Variants in STAB2 observed in about 807,000 individuals in gnomAD.
The protein encoded by STAB2 is stabilin-2.
Under a neutral mutation model 338.1 loss-of-function variants are expected in STAB2, and 288 were observed. The observed-to-expected ratio is 0.85, with a 90% confidence interval of 0.77 to 0.94. STAB2 has a LOEUF of 0.94. Ranked by LOEUF, STAB2 falls within the 40% of genes least tolerant of loss-of-function variation. The probability of loss-of-function intolerance (pLI) is 0.00; values close to 1 mark genes in which losing one functional copy is unlikely to be tolerated. For synonymous variants in STAB2, 1,202 were observed against 1,193.3 expected (o/e 1.01, Z -0.15); for missense variants, 3,141 against 3,210.1 (o/e 0.98, Z 0.52).
chr12:103,689,844 A>C lies in STAB2; in HGVS notation c.3046-2A>C, dbSNP rs1333109749. The stretch of plus-strand genomic sequence containing the variant: ...TCACTTTATTTTCCTTCTGTGGTTC[A>C]GAATGCTTCTCTACAACCCACACTG... On this transcript the variant is annotated splice_acceptor_variant, in intron 28 of 68. Transcript: ENST00000388887. LOFTEE classifies it high-confidence loss of function. The C allele has an allele frequency of 1.9e-6, 3 of 1,612,418 alleles. No individual in the cohort carries two copies. The highest frequency in any genetic ancestry group is 1.7e-6 in the Non-Finnish European group (2 of 1,179,472).
In STAB2 at chr12:103,735,552, G is replaced by C. The variant is rs1882045365; in HGVS notation, c.5522G>C (p.Ser1841Thr). Residue 1841 changes from serine (S) to threonine (T), a missense_variant, in exon 52 of 69, where the codon AGT becomes ACT. Transcript: ENST00000388887. ...AWKTLQGSEL[S>T]VKCGAGRDIG... The stretch of plus-strand genomic sequence containing the variant: ...AAGACCCTGCAAGGTTCAGAGCTGA[G>C]TGTGAAATGTGGAGCTGGCAGGGAC... The C allele has an allele frequency of 6.5e-7, 1 of 1,547,246 alleles. No homozygotes were observed.
At position 103,740,730 on chromosome 12, in the gene STAB2, AGGGCTACTTC is replaced by A; in HGVS notation, c.5860_5869del (p.Tyr1954GlufsTer168). 6.3e-7 allele frequency: 1 copy of A among 1,596,280 alleles called. No homozygotes were observed. Among genetic ancestry groups the A allele is most frequent in the Non-Finnish European group, 8.5e-7 (1 of 1,173,758 alleles). ...GTGATACAGATCCCCAGGTGCTGCA[AGGGCTACTTC>A]GGGCGAGACTGTCAGGGTGAGGGTG... is the stretch of plus-strand genomic sequence containing the variant. On this transcript the variant is annotated frameshift_variant, in exon 55 of 69. Coordinates refer to ENST00000388887, the MANE Select transcript of STAB2 (RefSeq NM_017564.10). LOFTEE classifies it high-confidence loss of function.
intron 10 of STAB2, among the ~76,000 whole-genome samples, chr12:103,649,118 C>G (rs184697669): frequency 4.3e-4 from 66 of 152,328 alleles, no homozygotes; most frequent in African/African-American, 1.5e-3. Context: ...AGGACAGCTA[C>G]TGATGTGAGG....
At chr12:103,727,213 G>T in intron 46 of STAB2, 54 bp from the exon 47 acceptor site, 1 of 1,594,332 alleles carries the variant, frequency 6.3e-7, no homozygotes, top group South Asian at 1.1e-5. Flanking sequence ...TTTGAGCCCC[G>T]GCATGTATTG....
intron 23 of STAB2, 69 bp downstream of exon 23, chr12:103,674,156 C>A (rs17034360): frequency 0.026 from 40,260 of 1,532,188 alleles, 708 homozygotes; most frequent in African/African-American, 0.069. Context: ...CACTTAATGA[C>A]GCTGTGTTAC....
intron 3 of STAB2, among the ~76,000 whole-genome samples, chr12:103,609,651 C>G (rs1448943915): frequency 1.3e-5 from 2 of 152,070 alleles, no homozygotes; most frequent in Non-Finnish European, 2.9e-5. Context: ...AATTTGACTT[C>G]CTCTTTTCCT....
At chr12:103,686,793 C>T (rs1264535300) in intron 27 of STAB2, among the ~76,000 whole-genome samples, 2 of 152,164 alleles carry the variant, frequency 1.3e-5, no homozygotes, top group Non-Finnish European at 2.9e-5. Flanking sequence ...ATGCCCAGCC[C>T]ACTTGTTTTT....
chr12:103,618,938 G>A (rs1047767561), intron 3 of STAB2, among the ~76,000 whole-genome samples: 1 of 152,174 alleles, frequency 6.6e-6, no homozygotes, highest in Non-Finnish European at 1.5e-5. Context: ...TCATGATTGT[G>A]AATAAGTCTC....
At chr12:103,592,408 TACAC>T (rs370946934) in intron 2 of STAB2, among the ~76,000 whole-genome samples, 3 of 151,690 alleles carry the variant, frequency 2.0e-5, no homozygotes, top group African/African-American at 7.3e-5. Flanking sequence ...CACACACACA[TACAC>T]ACACACACAG....
chr12:103,681,379 C>T (rs1278452530), intron 25 of STAB2, among the ~76,000 whole-genome samples: 1 of 152,092 alleles, frequency 6.6e-6, no homozygotes, highest in Non-Finnish European at 1.5e-5. Flanking sequence ...CATAGAACAA[C>T]AAAAATGTAT....
chr12:103,688,038 G>C, intron 27 of STAB2, 130 bp from the exon 28 acceptor site: 1 of 834,818 alleles, frequency 1.2e-6, no homozygotes, highest in African/African-American at 1.7e-5. Flanking sequence ...AGGCAGGCCA[G>C]GACAACGAGC....
In STAB2 at chr12:103,638,141, G is replaced by T. The variant is rs1479545103; in HGVS notation, c.835G>T (p.Asp279Tyr). The T allele has an allele frequency of 1.2e-6, 2 of 1,614,040 alleles. No homozygotes were observed. Among genetic ancestry groups the T allele is most frequent in the Non-Finnish European group, 1.7e-6 (2 of 1,180,038 alleles). Residue 279 changes from aspartate to tyrosine, a missense_variant, in exon 8 of 69, where the codon GAC (aspartate) becomes TAC (tyrosine). By Grantham distance (160) the Asp-to-Tyr change is radical. Coordinates refer to ENST00000388887, the MANE Select transcript of STAB2 (RefSeq NM_017564.10). ...RGDGQVCLPVDPCQINFGNCP... is the reference protein window; with the variant it reads ...RGDGQVCLPVYPCQINFGNCP... ...GGATGGCCAAGTGTGCTTGCCTGTG[G>T]ACCCCTGCCAAATTAACTTTGGAAA...
intron 63 of STAB2, among the ~76,000 whole-genome samples, chr12:103,756,990 A>G (rs1322128071): frequency 1.9e-5 from 1 of 53,786 alleles, no homozygotes; most frequent in Non-Finnish European, 4.5e-5. Context: ...GCCCAGAAGG[A>G]GGGAAAATAT....
rs1883331863 is a variant in STAB2 at position 103,748,968 on chromosome 12, G to A, written c.6250G>A (p.Asp2084Asn). 3 of 1,612,950 alleles carry A rather than the reference G, an allele frequency of 1.9e-6. No homozygotes were observed. The highest frequency in any genetic ancestry group is 3.3e-5 in the Admixed American group (2 of 59,924). Residue 2084 changes from aspartate to asparagine, a missense_variant, in exon 59 of 69, where the codon GAT becomes AAT. Asp to Asn is a conservative substitution (Grantham distance 23). Coordinates refer to ENST00000388887, the MANE Select transcript of STAB2 (RefSeq NM_017564.10). ...TCTCTCCTCTGCTCTTGCAGTTGTG[G>A]ATTTCTGCAAACAGGACAACGGGGG... The part of the protein sequence containing the change: ...EGDGITCTVV[D>N]FCKQDNGGCA...
At chr12:103,641,178 G>A (rs1872899322) in intron 9 of STAB2, among the ~76,000 whole-genome samples, 2 of 152,304 alleles carry the variant, frequency 1.3e-5, no homozygotes, top group South Asian at 4.1e-4. Flanking sequence ...CATCTTTTGG[G>A]AAGTTCACGC....
intron 12 of STAB2, among the ~76,000 whole-genome samples, chr12:103,654,317 G>C (rs996993676): frequency 2.0e-5 from 3 of 152,154 alleles, no homozygotes; most frequent in Non-Finnish European, 4.4e-5. Context: ...ACCTTGCCCA[G>C]GTTTAGCATA....
intron 34 of STAB2, among the ~76,000 whole-genome samples, chr12:103,702,574 C>T (rs1202239520): frequency 6.6e-6 from 1 of 152,242 alleles, no homozygotes; most frequent in African/African-American, 2.4e-5. Flanking sequence ...GCTGGGATTA[C>T]AGGCGTGAGC....
intron 15 of STAB2, among the ~76,000 whole-genome samples, chr12:103,659,179 A>G (rs905776576): frequency 3.9e-5 from 6 of 152,208 alleles, no homozygotes; most frequent in Non-Finnish European, 7.3e-5. Flanking sequence ...GCTAATAGAT[A>G]TGGTGGCCAC....
At position 103,762,314 on chromosome 12, in the gene STAB2, C is replaced by A. The variant is rs1186459460; in HGVS notation, c.7400C>A (p.Ala2467Asp). The A allele has an allele frequency of 6.2e-7, 1 of 1,614,230 alleles. No individual in the cohort carries two copies. Among genetic ancestry groups the A allele is most frequent in the Middle Eastern group, 1.6e-4 (1 of 6,062 alleles). Residue 2467 changes from alanine to aspartate, a missense_variant, in exon 67 of 69, where the codon GCC (alanine) becomes GAC (aspartate). Coordinates refer to ENST00000388887, the MANE Select transcript of STAB2 (RefSeq NM_017564.10). ...GGCTTGGGAGCAGGGATCTTCTTTG[C>A]CATCATCCTGGTGACTGGGGCTGTT... ...HTGLGAGIFF[A>D]IILVTGAVAL...
Sources: gnomAD v4.1 joint callset for allele counts (sites outside exome capture counted in the v4.1 genomes callset) on GRCh38, gnomAD v4.1.1 for gene constraint, MANE v1.5 for transcripts, NCBI Gene and HGNC (gene_info 2026-07-23, HGNC 2026-07-21) for gene names.